Variants in RBP2 observed in about 807,000 individuals in gnomAD.
The protein encoded by RBP2 is retinol-binding protein 2.
Under a neutral mutation model 17.0 loss-of-function variants are expected in RBP2, and 17 were observed. The observed-to-expected ratio is 1.00, with a 90% confidence interval of 0.68 to 1.50. The LOEUF is 1.50. Among genes scored for constraint, RBP2 ranks in the 40% most tolerant of loss-of-function variants. The probability of loss-of-function intolerance (pLI) is 0.00; values close to 1 mark genes in which losing one functional copy is unlikely to be tolerated. For missense variants in RBP2, 158 were observed against 168.2 expected (o/e 0.94, Z 0.33); for synonymous variants, 48 against 57.1 (o/e 0.84, Z 0.72).
intron 2 of RBP2, among the ~76,000 whole-genome samples, chr3:139,455,749 T>C (rs550554968): frequency 3.9e-5 from 6 of 152,266 alleles, no homozygotes; most frequent in South Asian, 2.1e-4. Flanking sequence ...CAGAACCAGA[T>C]GGGTGGACCT....
chr3:139,464,028 C>G (rs1391155964), intron 1 of RBP2, among the ~76,000 whole-genome samples: 2 of 152,140 alleles, frequency 1.3e-5, no homozygotes, highest in Admixed American at 1.3e-4. Context: ...ATATTGTGGC[C>G]ATGAAAGACA....
At chr3:139,461,972 C>T in intron 2 of RBP2, 140 bp downstream of exon 2, 1 of 829,056 alleles carries the variant, frequency 1.2e-6, no homozygotes, top group Non-Finnish European at 1.9e-6. Flanking sequence ...TGCTCATTGC[C>T]AGCATGATTA....
intron 1 of RBP2, among the ~76,000 whole-genome samples, chr3:139,468,921 A>G (rs1933454233): frequency 6.6e-6 from 1 of 152,190 alleles, no homozygotes; most frequent in Non-Finnish European, 1.5e-5. Flanking sequence ...AGGAAAAAAA[A>G]CAACACGGAC....
At chr3:139,460,338 T>G (rs1007128365) in intron 2 of RBP2, among the ~76,000 whole-genome samples, 1 of 152,180 alleles carries the variant, frequency 6.6e-6, no homozygotes, top group Non-Finnish European at 1.5e-5. Context: ...CCCAGAATCA[T>G]AAGTTCTCAT....
intron 1 of RBP2, among the ~76,000 whole-genome samples, chr3:139,465,511 C>T (rs934440141): frequency 3.3e-5 from 5 of 152,134 alleles, no homozygotes; most frequent in Admixed American, 6.5e-5. Flanking sequence ...AGGAGGCAGT[C>T]GAGATGGTAC....
chr3:139,459,107 G>C (rs1467166848), intron 2 of RBP2, among the ~76,000 whole-genome samples: 1 of 152,124 alleles, frequency 6.6e-6, no homozygotes, highest in African/African-American at 2.4e-5. Context: ...GAGATTTCCA[G>C]AGGGCTTGTA....
At chr3:139,466,913 G>C (rs1466228950) in intron 1 of RBP2, 1 of 152,246 alleles carries the variant, frequency 6.6e-6, no homozygotes, top group African/African-American at 2.4e-5. Context: ...CCCCAGATTT[G>C]CCTCCTCCTA....
At position 139,476,195 on chromosome 3, in the gene RBP2, A is replaced by T. The variant is rs563428447; in HGVS notation, c.73+192T>A. Among the ~76,000 whole-genome samples the T allele has an allele frequency of 3.3e-5, 5 of 152,192 alleles. 1 individual carries two copies. The South Asian group carries it at 6.2e-4, about 19-fold the overall frequency. ...CATCCTAGACATAATCTCATTTATC[A>T]TTATTCCCAGTTTCCAGATGAGAAA... is the stretch of plus-strand genomic sequence containing the variant. On this transcript the variant is annotated intron_variant, in intron 1 of 3. Coordinates refer to ENST00000232217, the MANE Select transcript of RBP2 (RefSeq NM_004164.3).
At chr3:139,455,653 C>T (rs1204472428) in intron 2 of RBP2, among the ~76,000 whole-genome samples, 1 of 152,178 alleles carries the variant, frequency 6.6e-6, no homozygotes, top group African/African-American at 2.4e-5. Context: ...GTGAGACCTG[C>T]CCACTATAGG....
At chr3:139,474,029 G>A (rs913465517) in intron 1 of RBP2, among the ~76,000 whole-genome samples, 7 of 152,152 alleles carry the variant, frequency 4.6e-5, no homozygotes, top group South Asian at 2.1e-4. Context: ...TCTACACTGC[G>A]GAGATCATGG....
intron 1 of RBP2, among the ~76,000 whole-genome samples, chr3:139,467,417 T>A (rs1221811414): frequency 6.6e-6 from 1 of 152,178 alleles, no homozygotes; most frequent in Non-Finnish European, 1.5e-5. Context: ...CTGCTTGTCC[T>A]TACAAGTCTT....
intron 1 of RBP2, among the ~76,000 whole-genome samples, chr3:139,463,979 A>G (rs897554796): frequency 1.2e-4 from 18 of 152,176 alleles, no homozygotes; most frequent in Non-Finnish European, 2.5e-4. Flanking sequence ...TAAGTGATGA[A>G]ATTTCATGTT....
chr3:139,471,289 T>C (rs1339430849), intron 1 of RBP2, among the ~76,000 whole-genome samples: 2 of 152,224 alleles, frequency 1.3e-5, no homozygotes, highest in African/African-American at 4.8e-5. Flanking sequence ...TAATTTGTGC[T>C]TGTGCTCACC....
At chr3:139,476,220 A>T (rs1032694639) in intron 1 of RBP2, among the ~76,000 whole-genome samples, 167 bp downstream of exon 1, 7 of 152,088 alleles carry the variant, frequency 4.6e-5, no homozygotes, top group Non-Finnish European at 8.8e-5. Flanking sequence ...CAGATGAGAA[A>T]ACTGAGCCTC....
At chr3:139,469,699 A>G (rs973164029) in intron 1 of RBP2, among the ~76,000 whole-genome samples, 47 of 145,622 alleles carry the variant, frequency 3.2e-4, no homozygotes, top group East Asian at 5.9e-4. Context: ...CTATCTATCT[A>G]TCTATCTATC....
At chr3:139,476,362 TC>T in intron 1 of RBP2, 24 bp downstream of exon 1, 1 of 1,604,632 alleles carries the variant, frequency 6.2e-7, no homozygotes, top group Non-Finnish European at 8.5e-7. Context: ...ACAGCTACCC[TC>T]CCCATCCCCA....
intron 2 of RBP2, among the ~76,000 whole-genome samples, chr3:139,458,708 G>A (rs1165182082): frequency 6.6e-6 from 1 of 152,124 alleles, no homozygotes; most frequent in Non-Finnish European, 1.5e-5. Flanking sequence ...CACACAATAC[G>A]TGACCTTTTG....
chr3:139,464,432 A>G (rs1440752084), intron 1 of RBP2, among the ~76,000 whole-genome samples: 1 of 151,812 alleles, frequency 6.6e-6, no homozygotes, highest in East Asian at 1.9e-4. Flanking sequence ...CACTCCTCGC[A>G]ATAGAGCGAG....
chr3:139,454,672 A>T, intron 3 of RBP2, 57 bp downstream of exon 3: 3 of 1,539,244 alleles, frequency 1.9e-6, no homozygotes, highest in Non-Finnish European at 2.7e-6. Flanking sequence ...TGGCTAGGTG[A>T]CCACAGTAGC....
Sources: gnomAD v4.1 joint callset for allele counts (sites outside exome capture counted in the v4.1 genomes callset) on GRCh38, gnomAD v4.1.1 for gene constraint, MANE v1.5 for transcripts, NCBI Gene and HGNC (gene_info 2026-07-23, HGNC 2026-07-21) for gene names.